The following CNBD1 variants were observed in gnomAD, a reference collection of about 807,000 sequenced individuals.
The protein encoded by CNBD1 is cyclic nucleotide-binding domain-containing protein 1.
A neutral mutation model predicts 54.4 loss-of-function variants in CNBD1; 71 were observed. That is an observed-to-expected ratio of 1.30 (90% confidence interval 1.08 to 1.59). The LOEUF (loss-of-function observed/expected upper bound fraction) is 1.59. Among genes scored for constraint, CNBD1 ranks in the 40% most tolerant of loss-of-function variants. The pLI, the probability that CNBD1 is intolerant of heterozygous loss-of-function variation, is 0.00. For synonymous variants in CNBD1, 182 were observed against 170.7 expected (o/e 1.07, Z -0.51); for missense variants, 659 against 518.0 (o/e 1.27, Z -2.64).
chr8:87,384,601 G>A (rs1054226238), downstream of CNBD1, among the ~76,000 whole-genome samples: 3 of 152,106 alleles, frequency 2.0e-5, no homozygotes, highest in South Asian at 4.2e-4. Context: ...AACTCTGAAA[G>A]ACTAACAAAC....
At chr8:87,092,431 A>ATATATATACACATG (rs1436881611) in intron 4 of CNBD1, among the ~76,000 whole-genome samples, 3 of 113,468 alleles carry the variant, frequency 2.6e-5, no homozygotes, top group African/African-American at 1.1e-4. Context: ...GTATGTATGT[A>ATATATATACACATG]TGTGTGTGTG....
At chr8:87,220,375 C>A (rs1172288426) in intron 5 of CNBD1, among the ~76,000 whole-genome samples, 1 of 151,970 alleles carries the variant, frequency 6.6e-6, no homozygotes, top group South Asian at 2.1e-4. Context: ...GAGAGCAAGT[C>A]CAGAAGAAGA....
intron 4 of CNBD1, among the ~76,000 whole-genome samples, chr8:87,119,590 T>A (rs1388870553): frequency 6.6e-6 from 1 of 152,146 alleles, no homozygotes; most frequent in Non-Finnish European, 1.5e-5. Context: ...CTTGCCTGAT[T>A]GCTCTTGCTA....
chr8:87,281,653 A>G (rs1179763892), intron 6 of CNBD1, among the ~76,000 whole-genome samples: 1 of 145,594 alleles, frequency 6.9e-6, no homozygotes, highest in African/African-American at 2.5e-5. Flanking sequence ...ATTCCTTAAA[A>G]TGTATTTATT....
intron 4 of CNBD1, among the ~76,000 whole-genome samples, chr8:87,057,404 A>G (rs1283728043): frequency 1.3e-5 from 2 of 152,194 alleles, no homozygotes; most frequent in East Asian, 3.9e-4. Flanking sequence ...CATGGGAGTC[A>G]TCACCACCAT....
At chr8:86,916,388 T>C (rs1273833114) in intron 3 of CNBD1, among the ~76,000 whole-genome samples, 1 of 152,150 alleles carries the variant, frequency 6.6e-6, no homozygotes, top group Non-Finnish European at 1.5e-5. Context: ...GCATTCCTTC[T>C]CCCCTGGTTC....
Position 87,182,508 on chromosome 8 carries a change from C to A in CNBD1, c.432-23485C>A, listed in dbSNP as rs113592032. Among the ~76,000 whole-genome samples, 411 of 152,182 alleles carry A rather than the reference C, an allele frequency of 2.7e-3. 4 individuals are homozygous for A. The highest frequency in any genetic ancestry group is 9.5e-3 in the African/African-American group (394 of 41,516). ...ATAGCTGAAATAATTACATTCCCACCAACAGGGTGCAAGAATTCCCTTTTC... is the reference window on the plus strand; with the variant it reads ...ATAGCTGAAATAATTACATTCCCACAAACAGGGTGCAAGAATTCCCTTTTC... On this transcript the variant is annotated intron_variant, in intron 4 of 10. Transcript: ENST00000518476. The surrounding 1 kb of genome is among the most constrained non-coding windows in gnomAD (Gnocchi z 4.1).
intron 4 of CNBD1, among the ~76,000 whole-genome samples, chr8:87,034,738 A>G (rs989778938): frequency 1.3e-5 from 2 of 152,146 alleles, no homozygotes; most frequent in Non-Finnish European, 2.9e-5. Context: ...TAGGCTACAT[A>G]GTTCATCTGC....
intron 2 of CNBD1, among the ~76,000 whole-genome samples, chr8:86,890,857 A>AT (rs1001427520): frequency 2.0e-4 from 30 of 146,522 alleles, no homozygotes; most frequent in Admixed American, 5.4e-4. Context: ...AGCATTTGTT[A>AT]TTTTTTTTTT....
At chr8:87,062,759 A>G (rs915712887) in intron 4 of CNBD1, among the ~76,000 whole-genome samples, 7 of 152,114 alleles carry the variant, frequency 4.6e-5, no homozygotes, top group African/African-American at 1.7e-4. Context: ...TGCTTTGTAC[A>G]TTATACTTTA....
intron 3 of CNBD1, among the ~76,000 whole-genome samples, chr8:86,911,533 A>G (rs1809099901): frequency 6.6e-6 from 1 of 152,188 alleles, no homozygotes; most frequent in Non-Finnish European, 1.5e-5. Context: ...TATTGTGTAT[A>G]ATAATCAAAT....
At chr8:87,196,876 C>G (rs1406914293) in intron 4 of CNBD1, among the ~76,000 whole-genome samples, 2 of 151,840 alleles carry the variant, frequency 1.3e-5, no homozygotes, top group Non-Finnish European at 2.9e-5. Flanking sequence ...GGAATTGGGT[C>G]TAGAAATAGA....
chr8:86,971,674 G>A (rs918650066), intron 4 of CNBD1, among the ~76,000 whole-genome samples: 3 of 151,548 alleles, frequency 2.0e-5, no homozygotes, highest in Admixed American at 1.3e-4. Flanking sequence ...CTTTTTTTGA[G>A]GTAATTCCTA....
chr8:86,878,485 C>T (rs989489831), intron 1 of CNBD1, among the ~76,000 whole-genome samples: 1 of 151,926 alleles, frequency 6.6e-6, no homozygotes, highest in Admixed American at 6.6e-5. Context: ...AGTTATTTGG[C>T]CATGATCTAT....
chr8:87,387,225 G>T (rs147304740), downstream of CNBD1, among the ~76,000 whole-genome samples: 1 of 151,988 alleles, frequency 6.6e-6, no homozygotes, highest in African/African-American at 2.4e-5. Flanking sequence ...AGCTAACATC[G>T]TAATGACAGG....
intron 6 of CNBD1, among the ~76,000 whole-genome samples, chr8:87,242,022 G>T (rs924242232): frequency 1.3e-5 from 2 of 152,080 alleles, no homozygotes; most frequent in Non-Finnish European, 2.9e-5. Context: ...GGACATAATT[G>T]CCAGGGGGGT....
chr8:87,338,073 G>T (rs752372048), intron 8 of CNBD1, among the ~76,000 whole-genome samples: 5 of 152,042 alleles, frequency 3.3e-5, no homozygotes, highest in Non-Finnish European at 7.4e-5. Flanking sequence ...AAAGAAATTA[G>T]AGGTTGCCTT....
At chr8:87,262,233 A>G (rs889387743) in intron 6 of CNBD1, among the ~76,000 whole-genome samples, 2 of 152,192 alleles carry the variant, frequency 1.3e-5, no homozygotes. Flanking sequence ...GTCGAAATAT[A>G]AAAACTAGAA....
intron 6 of CNBD1, among the ~76,000 whole-genome samples, chr8:87,278,625 C>T (rs1488604608): frequency 1.3e-5 from 2 of 151,510 alleles, no homozygotes; most frequent in Non-Finnish European, 3.0e-5. Flanking sequence ...AGAAAGATCT[C>T]ATTGCAAGCA....
Sources: allele counts gnomAD v4.1 joint callset (sites outside exome capture counted in the v4.1 genomes callset), GRCh38; gene constraint gnomAD v4.1.1; non-coding constraint Gnocchi (gnomAD v3.1); transcripts MANE v1.5; gene names NCBI Gene and HGNC (gene_info 2026-07-23, HGNC 2026-07-21).